PRKD1: variants seen among roughly 807,000 people sequenced by gnomAD.
PRKD1 encodes serine/threonine-protein kinase D1.
PRKD1 carries 63 observed loss-of-function variants against 95.9 expected under a neutral mutation model. The observed-to-expected ratio is 0.66, with a 90% CI of 0.54 to 0.81. The LOEUF is 0.81. Ranked by LOEUF, PRKD1 falls within the 30% of genes least tolerant of loss-of-function variation. PRKD1 has a pLI of 0.00. For missense variants in PRKD1, 1,048 were observed against 1,165.3 expected, an observed-to-expected ratio of 0.90 and a Z score of 1.47; for synonymous variants, 425 against 423.1, an observed-to-expected ratio of 1.00 and a Z score of -0.05.
intron 1 of PRKD1, among the ~76,000 whole-genome samples, chr14:29,794,222 C>A (rs45454394): frequency 0.042 from 6,419 of 151,714 alleles, 227 homozygotes; most frequent in African/African-American, 0.092. Flanking sequence ...ATTTATAATG[C>A]ACATTAGAGT....
intron 2 of PRKD1, among the ~76,000 whole-genome samples, chr14:29,723,752 T>G (rs1886013433): frequency 6.6e-6 from 1 of 152,078 alleles, no homozygotes; most frequent in South Asian, 2.1e-4. Context: ...AATGGCACTA[T>G]GTCGTTCAAA....
chr14:29,638,952 G>T, intron 4 of PRKD1, 48 bp from the exon 5 acceptor site: 1 of 1,404,976 alleles, frequency 7.1e-7, no homozygotes. Context: ...GAGGCTATTT[G>T]ATTTATATAT....
intron 1 of PRKD1, among the ~76,000 whole-genome samples, chr14:29,910,274 T>A (rs1894659436): frequency 6.6e-6 from 1 of 152,082 alleles, no homozygotes; most frequent in African/African-American, 2.4e-5. Flanking sequence ...CCTTAAGAGC[T>A]GTGACACTCA....
intron 1 of PRKD1, among the ~76,000 whole-genome samples, chr14:29,780,954 C>G (rs1037643376): frequency 6.6e-6 from 1 of 152,012 alleles, no homozygotes; most frequent in African/African-American, 2.4e-5. Context: ...GAATACTATG[C>G]CACCATAAAA....
intron 1 of PRKD1, among the ~76,000 whole-genome samples, chr14:29,789,127 G>T (rs1185430385): frequency 6.6e-6 from 1 of 152,002 alleles, no homozygotes; most frequent in East Asian, 1.9e-4. Flanking sequence ...CTCAAGTGAT[G>T]TTCCTGCCTC....
chr14:29,788,541 C>T (rs939344466), intron 1 of PRKD1, among the ~76,000 whole-genome samples: 1 of 152,174 alleles, frequency 6.6e-6, no homozygotes, highest in Non-Finnish European at 1.5e-5. Flanking sequence ...CCTTCTGGAA[C>T]TAAAATTTGA....
intron 9 of PRKD1, among the ~76,000 whole-genome samples, chr14:29,632,054 G>A (rs147216799): frequency 0.018 from 2,784 of 151,980 alleles, 87 homozygotes; most frequent in African/African-American, 0.057. Context: ...ACCTGCCTCG[G>A]CCTCCCAAAG....
chr14:29,578,823 T>C (rs908845250), intron 16 of PRKD1, among the ~76,000 whole-genome samples: 8 of 152,162 alleles, frequency 5.3e-5, no homozygotes, highest in African/African-American at 1.9e-4. Flanking sequence ...ATGACAGATA[T>C]CTGAACATCA....
chr14:29,762,115 A>T (rs1025760448), intron 1 of PRKD1, among the ~76,000 whole-genome samples: 1 of 152,124 alleles, frequency 6.6e-6, no homozygotes, highest in African/African-American at 2.4e-5. Flanking sequence ...GGGGAAGAAG[A>T]GGTGCTACAA....
At chr14:29,800,928 AC>A (rs1427822984) in intron 1 of PRKD1, among the ~76,000 whole-genome samples, 5 of 152,176 alleles carry the variant, frequency 3.3e-5, no homozygotes, top group African/African-American at 1.2e-4. Context: ...TATGGTATAT[AC>A]ATTTTAAACT....
intron 1 of PRKD1, among the ~76,000 whole-genome samples, chr14:29,752,836 C>T (rs914178892): frequency 7.9e-5 from 12 of 152,028 alleles, no homozygotes; most frequent in African/African-American, 2.9e-4. Flanking sequence ...TTCTGATTTC[C>T]TGTTTTTTCA....
intron 1 of PRKD1, among the ~76,000 whole-genome samples, chr14:29,779,966 C>T (rs933001304): frequency 6.6e-6 from 1 of 152,042 alleles, no homozygotes. Context: ...CAGAACAGAC[C>T]CCTCAGAAAT....
intron 1 of PRKD1, among the ~76,000 whole-genome samples, chr14:29,769,930 C>G (rs955467221): frequency 1.3e-5 from 2 of 152,142 alleles, no homozygotes; most frequent in Non-Finnish European, 2.9e-5. Context: ...GAAACCTAAT[C>G]CTCAATCTCC....
chr14:29,659,174 C>T (rs1478134373), intron 4 of PRKD1, among the ~76,000 whole-genome samples: 2 of 152,152 alleles, frequency 1.3e-5, no homozygotes, highest in Non-Finnish European at 2.9e-5. Context: ...GTTGATATCC[C>T]ACCTTAGTTT....
chr14:29,857,055 A>T (rs943227525), intron 1 of PRKD1, among the ~76,000 whole-genome samples: 4 of 152,222 alleles, frequency 2.6e-5, no homozygotes, highest in South Asian at 2.1e-4. Context: ...TGGGGCAAAT[A>T]TCTTAACCTC....
chr14:29,629,182 T>C lies in PRKD1; in HGVS notation c.1673-89A>G. On this transcript the variant is annotated intron_variant, in intron 10 of 17. Transcript: ENST00000331968. ...GTAAGTACATGCTTACAAATCATCC[T>C]GCAAAAGTGGTTTTAACTAAATCAT... 3.7e-6 allele frequency: 4 copies of C among 1,087,362 alleles called. No homozygotes were observed. The South Asian group carries it at 6.3e-5, about 17-fold the overall frequency. The allele number at this position is 1,087,362 out of a possible 1,614,324, so 67.4% of individuals were successfully genotyped here.
At chr14:29,785,682 G>T (rs1261709266) in intron 1 of PRKD1, among the ~76,000 whole-genome samples, 1 of 151,204 alleles carries the variant, frequency 6.6e-6, no homozygotes, top group African/African-American at 2.4e-5. Flanking sequence ...TGGGGTGGGG[G>T]GAAGGGGGAG....
intron 1 of PRKD1, among the ~76,000 whole-genome samples, chr14:29,837,964 A>C (rs994751977): frequency 2.0e-5 from 3 of 152,214 alleles, no homozygotes; most frequent in African/African-American, 7.2e-5. Context: ...ATATGGTACT[A>C]CATTAGAAAA....
intron 2 of PRKD1, among the ~76,000 whole-genome samples, chr14:29,723,639 AG>A (rs2139389203): frequency 6.6e-6 from 1 of 150,442 alleles, no homozygotes; most frequent in East Asian, 2.0e-4. Flanking sequence ...GTTATAGGTA[AG>A]CGCAGGAGAT....
Sources: allele counts gnomAD v4.1 joint callset (sites outside exome capture counted in the v4.1 genomes callset), GRCh38; gene constraint gnomAD v4.1.1; transcripts MANE v1.5; gene names NCBI Gene and HGNC (gene_info 2026-07-23, HGNC 2026-07-21).